OSBP2: variants seen among roughly 807,000 people sequenced by gnomAD.
OSBP2 encodes the protein oxysterol binding protein 2.
OSBP2 carries 66 observed loss-of-function variants against 96.0 expected under a neutral mutation model. The ratio of observed to expected loss-of-function variants is 0.69; its 90% CI spans 0.56 to 0.84. The LOEUF (loss-of-function observed/expected upper bound fraction) is 0.84. Ranked by LOEUF, OSBP2 falls within the 40% of genes least tolerant of loss-of-function variation. The pLI is 0.00. For synonymous variants in OSBP2, 525 were observed against 520.9 expected (o/e 1.01, Z -0.11); for missense variants, 1,038 against 1,222.7 (o/e 0.85, Z 2.25).
chr22:30,822,825 C>A, intron 2 of OSBP2: 2 of 873,400 alleles, frequency 2.3e-6, no homozygotes, highest in Non-Finnish European at 3.2e-6. Flanking sequence ...CACTCCCTCG[C>A]GGCGTGGGGA....
chr22:30,808,270 G>A (rs140787614), intron 2 of OSBP2, among the ~76,000 whole-genome samples: 68 of 152,288 alleles, frequency 4.5e-4, no homozygotes, highest in African/African-American at 1.5e-3. Context: ...GGAGGCCAAG[G>A]TGGGAGAATT....
In OSBP2 at chr22:30,708,478, A is replaced by ATTTTTTTTTTTT. The variant is rs56361178; in HGVS notation, c.644+12942_644+12953dup. Among the ~76,000 whole-genome samples, 10 of 63,476 alleles carry ATTTTTTTTTTTT rather than the reference A, an allele frequency of 1.6e-4. 1 individual carries two copies. The highest frequency in any genetic ancestry group is 2.6e-4 in the Admixed American group (1 of 3,906). The allele number at this position is 63,476 out of a possible 152,430, so 41.6% of individuals were successfully genotyped here. A position where few individuals can be genotyped will look rare whatever the true frequency, so the allele number is the denominator to read the frequency against. On this transcript the variant is annotated intron_variant, in intron 1 of 13. Transcript: ENST00000332585. Reference sequence around the variant, plus strand: ...CAGTATATATCTCTAAAGGATAAGGATTTTTTTTTTTTTTTTTTTTTTTTT... The same window carrying ATTTTTTTTTTTT: ...CAGTATATATCTCTAAAGGATAAGGATTTTTTTTTTTTTTTTTTTTTTTTTTTTTTTTTTTTT...
rs1414965107 is a variant in OSBP2, at chr22:30,906,003, C to G, written c.2542C>G (p.Gln848Glu). The G allele has an allele frequency of 6.3e-7, 1 of 1,590,922 alleles. No individual in the cohort carries two copies. The highest frequency in any genetic ancestry group is 8.6e-7 in the Non-Finnish European group (1 of 1,169,406). Reference sequence around the variant, plus strand: ...CGAGAAGCAGCGGCTGGAGGAGAAGCAGCGCCTGTCGCGGCGCCGGCGGCT... The same window carrying G: ...CGAGAAGCAGCGGCTGGAGGAGAAGGAGCGCCTGTCGCGGCGCCGGCGGCT... ...NTEKQRLEEK[Q>E]RLSRRRRLEA... Residue 848 changes from glutamine to glutamate, a missense_variant, in exon 13 of 14, where the codon CAG (glutamine) becomes GAG (glutamate). Physicochemically the swap from Gln to Glu is conservative, Grantham distance 29. Coordinates refer to ENST00000332585, the MANE Select transcript of OSBP2 (RefSeq NM_030758.4).
intron 1 of OSBP2, among the ~76,000 whole-genome samples, chr22:30,725,176 AAAAACAAAAAAACAAAAAAAC>A (rs1228180948): frequency 3.9e-5 from 1 of 25,330 alleles, no homozygotes; most frequent in African/African-American, 1.4e-4. Flanking sequence ...ACTCTGTCTC[AAAAACAAAAAAACAAAAAAAC>A]AAAAAAAAAA....
In OSBP2 at chr22:30,905,934, G is replaced by C; in HGVS notation, c.2473G>C (p.Asp825His). 2 of 1,612,656 alleles carry C rather than the reference G, an allele frequency of 1.2e-6. No homozygotes were observed. The highest frequency in any genetic ancestry group is 1.7e-6 in the Non-Finnish European group (2 of 1,179,558). The change falls in exon 13 of 14, where the codon GAC (aspartate) becomes CAC (histidine). Residue 825 changes from aspartate (D) to histidine (H), a missense_variant. Physicochemically the swap from Asp to His is moderately conservative, Grantham distance 81. This residue lies in a region of OSBP2 where 737 missense variants were observed against 913.3 expected (regional missense o/e 0.81). Transcript: ENST00000332585. ...GCCAACCGACAGCCGCCTGCGGCCC[G>C]ACCAGCGGCTGATGGAGAAGGGCCG... The part of the protein sequence containing the change: ...VAPTDSRLRP[D>H]QRLMEKGRWD...
intron 12 of OSBP2, chr22:30,902,839 A>G (rs1238568654): frequency 3.0e-6 from 1 of 338,740 alleles, no homozygotes; most frequent in Non-Finnish European, 6.0e-6. Flanking sequence ...CAGCCTGGTG[A>G]ACCCCTGGGC....
chr22:30,703,615 AC>A lies in OSBP2; in HGVS notation c.644+8063del, dbSNP rs527672680. Among the ~76,000 whole-genome samples, 5 of 152,054 alleles carry A rather than the reference AC, an allele frequency of 3.3e-5. No individual in the cohort carries two copies. In the East Asian group the frequency reaches 9.7e-4, roughly 29 times the overall value. ...CTTAGTCTCCCAAGTAGCTGGGAGT[AC>A]AGTCACCTGCCACCATGCCCTGCTA... On this transcript the variant is annotated intron_variant, in intron 1 of 13. Coordinates refer to ENST00000332585, the MANE Select transcript of OSBP2 (RefSeq NM_030758.4).
In OSBP2 at chr22:30,799,013, C is replaced by CA. The variant is rs136275; in HGVS notation, c.853+57660dup. On this transcript the variant is annotated intron_variant, in intron 2 of 13. Coordinates refer to ENST00000332585, the MANE Select transcript of OSBP2 (RefSeq NM_030758.4). Reference sequence around the variant, plus strand: ...TGGGTGACAGAGTGAGACTCTGTCTCAAAAAAAAAAAAAAAAGAAATTATT... The same window carrying CA: ...TGGGTGACAGAGTGAGACTCTGTCTCAAAAAAAAAAAAAAAAAGAAATTATT... Among the ~76,000 whole-genome samples the CA allele has an allele frequency of 4.0e-3, 367 of 91,842 alleles. 5 individuals carry two copies. Among genetic ancestry groups the CA allele is most frequent in the East Asian group, 0.033 (96 of 2,920 alleles). 60.3% of individuals were successfully genotyped at this position (91,842 alleles called of 152,430 possible).
Position 30,881,581 on chromosome 22 carries a change from C to T in OSBP2, c.1108-5845C>T. Reference sequence around the variant, plus strand: ...ACGTTCAGGCCTGGGCTGGGTCAGCCAGGCCCTCCCTGGGCCCCTGGGAAC... The same window carrying T: ...ACGTTCAGGCCTGGGCTGGGTCAGCTAGGCCCTCCCTGGGCCCCTGGGAAC... On this transcript the variant is annotated intron_variant, in intron 3 of 13. Coordinates refer to ENST00000332585, the MANE Select transcript of OSBP2 (RefSeq NM_030758.4). The surrounding 1 kb of genome is among the most constrained non-coding windows in gnomAD (Gnocchi z 4.5). The T allele has an allele frequency of 8.8e-7, 1 of 1,141,492 alleles. No homozygotes were observed. The highest frequency in any genetic ancestry group is 1.2e-6 in the Non-Finnish European group (1 of 862,658). 70.7% of individuals were successfully genotyped at this position (1,141,492 alleles called of 1,614,324 possible).
chr22:30,713,487 G>A (rs939047216), intron 1 of OSBP2, among the ~76,000 whole-genome samples: 1 of 105,068 alleles, frequency 9.5e-6, no homozygotes, highest in Non-Finnish European at 2.3e-5. Context: ...TTTAGACAGG[G>A]TCTTGCTCTG....
intron 2 of OSBP2, among the ~76,000 whole-genome samples, chr22:30,837,551 C>T (rs1246228779): frequency 6.6e-6 from 1 of 152,200 alleles, no homozygotes; most frequent in Non-Finnish European, 1.5e-5. Flanking sequence ...CTCTACTTTT[C>T]TCTTGGTGCC....
chr22:30,769,593 G>T (rs1311476047), intron 2 of OSBP2, among the ~76,000 whole-genome samples: 1 of 152,184 alleles, frequency 6.6e-6, no homozygotes, highest in African/African-American at 2.4e-5. Context: ...AGGTTGCAGT[G>T]AGCGGAGATT....
At chr22:30,795,762 G>T (rs183453330) in intron 2 of OSBP2, among the ~76,000 whole-genome samples, 2 of 151,706 alleles carry the variant, frequency 1.3e-5, no homozygotes, top group African/African-American at 4.8e-5. Flanking sequence ...CAGGTGATCC[G>T]CCTGCCTTGG....
At chr22:30,741,912 C>T (rs953372708) in intron 2 of OSBP2, among the ~76,000 whole-genome samples, 4 of 150,052 alleles carry the variant, frequency 2.7e-5, no homozygotes, top group African/African-American at 5.1e-5. Context: ...CTCTGCCTTC[C>T]GTGTTCAAGC....
intron 2 of OSBP2, among the ~76,000 whole-genome samples, chr22:30,850,940 C>T (rs2038968061): frequency 6.6e-6 from 1 of 152,204 alleles, no homozygotes; most frequent in Non-Finnish European, 1.5e-5. Context: ...AATCCATGAA[C>T]TTGGTATGTC....
chr22:30,889,592 A>G lies in OSBP2; in HGVS notation c.1579A>G (p.Met527Val). 1 of 1,614,082 alleles carries G rather than the reference A, an allele frequency of 6.2e-7. No individual in the cohort carries two copies. The highest frequency in any genetic ancestry group is 8.5e-7 in the Non-Finnish European group (1 of 1,180,042). Reference sequence around the variant, plus strand: ...CTACAGCCTTAACCTCTGGAGCATCATGAAGAACTGCATCGGCCGGGAGCT... The same window carrying G: ...CTACAGCCTTAACCTCTGGAGCATCGTGAAGAACTGCATCGGCCGGGAGCT... ...PNYSLNLWSI[M>V]KNCIGRELSR... The change falls in exon 7 of 14, where the codon ATG becomes GTG. Residue 527 changes from methionine to valine, a missense_variant. Physicochemically the swap from Met to Val is conservative, Grantham distance 21. Transcript: ENST00000332585.
chr22:30,694,649 A>G (rs77625711), upstream of OSBP2, among the ~76,000 whole-genome samples: 151,646 of 151,656 alleles, frequency 1, 75,818 homozygotes, highest in Middle Eastern at 1. Flanking sequence ...ACCGACCACC[A>G]AGCTCTTCCG....
intron 2 of OSBP2, among the ~76,000 whole-genome samples, chr22:30,864,930 G>A (rs1003946776): frequency 6.6e-6 from 1 of 152,144 alleles, no homozygotes; most frequent in Non-Finnish European, 1.5e-5. Context: ...TGGGGTGGCC[G>A]CAGGGCCTCT....
intron 2 of OSBP2, among the ~76,000 whole-genome samples, chr22:30,781,934 G>T (rs2090524067): frequency 6.6e-6 from 1 of 152,182 alleles, no homozygotes; most frequent in African/African-American, 2.4e-5. Flanking sequence ...ATCACTTGAG[G>T]CTAGGAGTTT....
Sources: gnomAD v4.1 joint callset for allele counts (sites outside exome capture counted in the v4.1 genomes callset) on GRCh38, gnomAD v4.1.1 for gene constraint, gnomAD v4.1.1 regional missense constraint, Gnocchi (gnomAD v3.1) non-coding constraint, MANE v1.5 for transcripts, NCBI Gene and HGNC (gene_info 2026-07-23, HGNC 2026-07-21) for gene names.